HOXB5: variants seen among roughly 807,000 people sequenced by gnomAD.
HOXB5 encodes the protein homeobox protein Hox-B5.
A neutral mutation model predicts 19.6 loss-of-function variants in HOXB5; 10 were observed. That is an observed-to-expected ratio of 0.51 (90% CI 0.32 to 0.87). The LOEUF (loss-of-function observed/expected upper bound fraction) is 0.87, where lower values mean the gene tolerates loss of function less well. Among genes scored for constraint, HOXB5 ranks in the 40% least tolerant of loss-of-function variants. The pLI, the probability that HOXB5 is intolerant of heterozygous loss-of-function variation, is 0.04. For synonymous variants in HOXB5, 167 were observed against 156.9 expected (o/e 1.06, Z -0.48); for missense variants, 353 against 369.6 (o/e 0.96, Z 0.37).
intron 1 of HOXB5, 47 bp downstream of exon 1, chr17:48,593,074 A>AG: frequency 9.1e-7 from 1 of 1,103,612 alleles, no homozygotes; most frequent in Non-Finnish European, 1.3e-6. Context: ...CCACCCCAAA[A>AG]CGCAGAGAAG....
Position 48,592,377 on chromosome 17 carries a change from G to A in HOXB5, c.642C>T (p.His214=). Residue 214 remains histidine, a synonymous_variant, in exon 2 of 2, where the codon CAC becomes CAT. Transcript: ENST00000239151. ...GTCGCCGGGTCAGGTAGCGGTTGAAGTGGAACTCCTTTTCCAGCTCCAGGG... is the reference window on the plus strand; with the variant it reads ...GTCGCCGGGTCAGGTAGCGGTTGAAATGGAACTCCTTTTCCAGCTCCAGGG... ...YQTLELEKEF[H]FNRYLTRRRR... is the part of the protein sequence containing the mutation. The A allele has an allele frequency of 6.2e-7, 1 of 1,614,222 alleles. No individual in the cohort carries two copies. The highest frequency in any genetic ancestry group is 8.5e-7 in the Non-Finnish European group (1 of 1,180,050).
chr17:48,592,479 G>T (rs751288529), intron 1 of HOXB5, 23 bp from the exon 2 acceptor site: 1 of 1,215,380 alleles, frequency 8.2e-7, no homozygotes, highest in South Asian at 1.2e-5. Context: ...GAGGAAAGCC[G>T]CAAGGCAACA....
In HOXB5 at chr17:48,593,183, G is replaced by A; in HGVS notation, c.500C>T (p.Ala167Val). Residue 167 changes from alanine to valine, a missense_variant, in exon 1 of 2, where the codon GCC becomes GTC. By Grantham distance (64) the Ala-to-Val change is moderately conservative. Coordinates refer to ENST00000239151, the MANE Select transcript of HOXB5 (RefSeq NM_002147.4). ...TTGCGGAGTCTGCCCCTCGGGCGCG[G>A]CTGTGGAGGTGGCCATGGGCTCTGG... The part of the protein sequence containing the change: ...AQPEPMATST[A>V]APEGQTPQIF... 6.2e-7 allele frequency: 1 copy of A among 1,603,130 alleles called. No individual in the cohort carries two copies. Among genetic ancestry groups the A allele is most frequent in the African/African-American group, 1.3e-5 (1 of 74,616 alleles).
chr17:48,593,057 C>A, intron 1 of HOXB5, 64 bp downstream of exon 1: 1 of 645,062 alleles, frequency 1.6e-6, no homozygotes, highest in Non-Finnish European at 2.7e-6. Flanking sequence ...TCCTTGTCCC[C>A]CCGATCCCAC....
In HOXB5 at chr17:48,593,338, C is replaced by A. The variant is rs773211428; in HGVS notation, c.345G>T (p.Ser115=). ...GDSHGAKPSA[S]SPSDQATSAS... is the part of the protein sequence containing the mutation. ...CTGAGGTCGCCTGGTCGGAGGGGGA[C>A]GAAGCAGAGGGCTTGGCGCCGTGGC... Residue 115 remains serine, a synonymous_variant, in exon 1 of 2, where the codon TCG becomes TCT. Coordinates refer to ENST00000239151, the MANE Select transcript of HOXB5 (RefSeq NM_002147.4). The A allele has an allele frequency of 1.2e-6, 2 of 1,607,448 alleles. No homozygotes were observed. Among genetic ancestry groups the A allele is most frequent in the Admixed American group, 3.3e-5 (2 of 59,774 alleles).
Position 48,592,315 on chromosome 17 carries a change from T to A in HOXB5, c.704A>T (p.Glu235Val). 1 of 1,614,004 alleles carries A rather than the reference T, an allele frequency of 6.2e-7. No homozygotes were observed. The highest frequency in any genetic ancestry group is 1.3e-5 in the African/African-American group (1 of 74,948). The change falls in exon 2 of 2, where the codon GAG becomes GTG. Residue 235 changes from glutamate to valine, a missense_variant. Transcript: ENST00000239151. ...CTGGAACCAGATCTTGATCTGGCGC[T>A]CGGACAGGCAGAGTGCGTGGGCGAT... Reference protein sequence around the residue: ...IEIAHALCLSERQIKIWFQNR... With the variant: ...IEIAHALCLSVRQIKIWFQNR...
intron 1 of HOXB5, 26 bp from the exon 2 acceptor site, chr17:48,592,482 A>G (rs761565606): frequency 7.2e-6 from 8 of 1,113,986 alleles, no homozygotes; most frequent in African/African-American, 1.9e-5. Context: ...GAAAGCCGCA[A>G]GGCAACATTA....
chr17:48,592,514 C>T (rs1434401484), intron 1 of HOXB5, 58 bp from the exon 2 acceptor site: 6 of 198,824 alleles, frequency 3.0e-5, no homozygotes, highest in South Asian at 9.6e-5. Context: ...GGAGGGGGCA[C>T]TGGGTGGGAG....
rs2144938214 is a variant in HOXB5, at chr17:48,593,461, G to C, written c.222C>G (p.Arg74=). The C allele has an allele frequency of 1.2e-6, 2 of 1,611,788 alleles. No individual in the cohort carries two copies. The highest frequency in any genetic ancestry group is 2.7e-5 in the African/African-American group (2 of 75,020). ...GCTCCTGGGCGGGCGCGGGGAAGGC[G>C]CGCGAGCTCTCGCCCACCGCCCCAA... ...SHFGAVGESS[R]AFPAPAQEPR... is the part of the protein sequence containing the mutation. Residue 74 remains arginine, a synonymous_variant, in exon 1 of 2, where the codon CGC becomes CGG. Transcript: ENST00000239151.
intron 1 of HOXB5, 35 bp downstream of exon 1, chr17:48,593,085 GA>G (rs768489426): frequency 1.6e-6 from 2 of 1,228,342 alleles, no homozygotes; most frequent in East Asian, 5.0e-5. Context: ...CGCAGAGAAG[GA>G]AAGCCGAGAA....
At position 48,593,589 on chromosome 17, in the gene HOXB5, C is replaced by A. The variant is rs759961382; in HGVS notation, c.94G>T (p.Gly32Cys). The A allele has an allele frequency of 2.5e-6, 4 of 1,613,060 alleles. No individual in the cohort carries two copies. Among genetic ancestry groups the A allele is most frequent in the East Asian group, 2.2e-5 (1 of 44,870 alleles). The change falls in exon 1 of 2, where the codon GGC becomes TGC. Residue 32 changes from glycine to cysteine, a missense_variant. Coordinates refer to ENST00000239151, the MANE Select transcript of HOXB5 (RefSeq NM_002147.4). ...LNYGSGSSLS[G>C]SYRDPAAMHT... ...ATGGCAGCGGGATCCCTGTAAGAGCCGCTCAGAGAGCTGCCACTGCCATAA... is the reference window on the plus strand; with the variant it reads ...ATGGCAGCGGGATCCCTGTAAGAGCAGCTCAGAGAGCTGCCACTGCCATAA...
At chr17:48,593,037 A>C in intron 1 of HOXB5, 84 bp downstream of exon 1, 1 of 1,033,600 alleles carries the variant, frequency 9.7e-7, no homozygotes, top group East Asian at 2.5e-5. Context: ...TTTAGGGTAA[A>C]GCCAAGCTCT....
rs989016544 is a variant in HOXB5, at chr17:48,592,177, G to C, written c.*32C>G. 6.2e-7 allele frequency: 1 copy of C among 1,602,854 alleles called. No homozygotes were observed. Among genetic ancestry groups the C allele is most frequent in the Admixed American group, 1.7e-5 (1 of 59,624 alleles). On this transcript the variant is annotated 3_prime_UTR_variant, in exon 2 of 2. Transcript: ENST00000239151. The stretch of plus-strand genomic sequence containing the variant: ...GGGGCCAGGGCTGGGGGTGGCACGG[G>C]CTCTTGGGCCGCTGGGCTCCTCTGG...
chr17:48,592,745 G>A (rs1056295391), intron 1 of HOXB5, among the ~76,000 whole-genome samples: 1 of 152,214 alleles, frequency 6.6e-6, no homozygotes, highest in Non-Finnish European at 1.5e-5. Context: ...AGGGAGGAGA[G>A]CGGTTGCACT....
In HOXB5 at chr17:48,592,307, T is replaced by TC; in HGVS notation, c.711dup (p.Ile238AspfsTer100). 6.2e-7 allele frequency: 1 copy of TC among 1,614,038 alleles called. No individual in the cohort carries two copies. Among genetic ancestry groups the TC allele is most frequent in the Non-Finnish European group, 8.5e-7 (1 of 1,179,998 alleles). On this transcript the variant is annotated frameshift_variant, in exon 2 of 2. Coordinates refer to ENST00000239151, the MANE Select transcript of HOXB5 (RefSeq NM_002147.4). LOFTEE classifies it high-confidence loss of function. ...CGCCGGTTCTGGAACCAGATCTTGA[T>TC]CTGGCGCTCGGACAGGCAGAGTGCG...
intron 1 of HOXB5, 68 bp downstream of exon 1, chr17:48,593,053 T>TCCCCCCCCTCCC: frequency 3.2e-6 from 2 of 621,654 alleles, no homozygotes; most frequent in Non-Finnish European, 5.7e-6. Flanking sequence ...GCTCTCCTTG[T>TCCCCCCCCTCCC]CCCCCCGATC....
chr17:48,593,053 T>TGGCCCCCCCACCC, intron 1 of HOXB5, 68 bp downstream of exon 1: 1 of 621,654 alleles, frequency 1.6e-6, no homozygotes, highest in Non-Finnish European at 2.9e-6. Flanking sequence ...GCTCTCCTTG[T>TGGCCCCCCCACCC]CCCCCCGATC....
Position 48,592,001 on chromosome 17 carries a change from A to T in HOXB5, c.*208T>A, listed in dbSNP as rs3087996. 0.8 allele frequency: 269,996 copies of T among 336,164 alleles called. 109,111 individuals carry two copies. Among genetic ancestry groups the T allele is most frequent in the East Asian group, 0.96 (19,382 of 20,242 alleles). 20.8% of individuals were successfully genotyped at this position (336,164 alleles called of 1,614,324 possible). A position where few individuals can be genotyped will look rare whatever the true frequency, so the allele number is the denominator to read the frequency against. On this transcript the variant is annotated 3_prime_UTR_variant, in exon 2 of 2. Coordinates refer to ENST00000239151, the MANE Select transcript of HOXB5 (RefSeq NM_002147.4). ...AGCATGGAAGGAAAATAATAATAAT[A>T]ATTATTATTAACAATAATAACAAGA...
In HOXB5 at chr17:48,592,448, C is replaced by A. The variant is rs1475688496; in HGVS notation, c.571G>T (p.Gly191Trp). 3 of 1,414,936 alleles carry A rather than the reference C, an allele frequency of 2.1e-6. No homozygotes were observed. The African/African-American group carries it at 4.6e-5, about 22-fold the overall frequency. The allele number at this position is 1,414,936 out of a possible 1,614,324, so 87.6% of individuals were successfully genotyped here. A position where few individuals can be genotyped will look rare whatever the true frequency, so the allele number is the denominator to read the frequency against. ...RKLHISHDMT[G>W]PDGKRARTAY... ...GTCCGGGCCCTTTTCCCGTCCGGCCCGGTCATATCTGGAGCAGATAGAGGA... is the reference window on the plus strand; with the variant it reads ...GTCCGGGCCCTTTTCCCGTCCGGCCAGGTCATATCTGGAGCAGATAGAGGA... Residue 191 changes from glycine to tryptophan, a missense_variant, in exon 2 of 2, where the codon GGG becomes TGG. Physicochemically the swap from Gly to Trp is radical, Grantham distance 184. Transcript: ENST00000239151.
Sources: gnomAD v4.1 joint callset for allele counts (sites outside exome capture counted in the v4.1 genomes callset) on GRCh38, gnomAD v4.1.1 for gene constraint, MANE v1.5 for transcripts, NCBI Gene and HGNC (gene_info 2026-07-23, HGNC 2026-07-21) for gene names.